Variants in SLC8A1 observed in about 807,000 individuals in gnomAD.
SLC8A1 encodes the protein solute carrier family 8 member A1.
SLC8A1 carries 18 observed loss-of-function variants against 68.3 expected under a neutral mutation model. The ratio of observed to expected loss-of-function variants is 0.26; its 90% confidence interval spans 0.18 to 0.39. SLC8A1 has a LOEUF of 0.39. SLC8A1 is among the 10% of genes least tolerant of loss of function. SLC8A1 has a pLI of 1.00. For synonymous variants in SLC8A1, 475 were observed against 415.5 expected (o/e 1.14, Z -1.74); for missense variants, 985 against 1,156.7 (o/e 0.85, Z 2.15).
intron 1 of SLC8A1, among the ~76,000 whole-genome samples, chr2:40,435,615 T>A (rs1050652181): frequency 6.6e-5 from 10 of 152,062 alleles, no homozygotes; most frequent in African/African-American, 2.4e-4. Flanking sequence ...AAATACCCGC[T>A]GAAATTGTCC....
chr2:40,139,519 G>C (rs771157907), exon 7 of SLC8A1: 1 of 1,614,190 alleles, frequency 6.2e-7, no homozygotes, highest in Non-Finnish European at 8.5e-7. Context: ...GGCCAATCAT[G>C]AGGATGGAGA....
At chr2:40,473,830 A>G (rs1427695135) in intron 1 of SLC8A1, among the ~76,000 whole-genome samples, 1 of 152,208 alleles carries the variant, frequency 6.6e-6, no homozygotes, top group African/African-American at 2.4e-5. Flanking sequence ...ACTTGGGTAG[A>G]TAACTCTATT....
At chr2:40,500,695 G>T (rs1706000716) in intron 1 of SLC8A1, among the ~76,000 whole-genome samples, 1 of 146,690 alleles carries the variant, frequency 6.8e-6, no homozygotes, top group South Asian at 2.2e-4. Context: ...TTGATCCAGT[G>T]TCATTATTAA....
At chr2:40,239,597 C>G (rs1344921286) in intron 2 of SLC8A1, among the ~76,000 whole-genome samples, 1 of 152,152 alleles carries the variant, frequency 6.6e-6, no homozygotes, top group Non-Finnish European at 1.5e-5. Context: ...ACTGTGCTGC[C>G]TCGTGAAATA....
chr2:40,415,332 C>T (rs111666922), intron 2 of SLC8A1, among the ~76,000 whole-genome samples: 2 of 151,542 alleles, frequency 1.3e-5, no homozygotes, highest in African/African-American at 4.8e-5. Context: ...GCTGCAGAGG[C>T]AACACTTTGC....
rs1257782021 is a variant in SLC8A1 at position 40,117,299 on chromosome 2, C to T, written c.2438-1670G>A. Among the ~76,000 whole-genome samples the T allele has an allele frequency of 2.0e-5, 3 of 146,430 alleles. No homozygotes were observed. In the East Asian group the frequency reaches 6.1e-4, roughly 30 times the overall value. On this transcript the variant is annotated intron_variant, in intron 7 of 7. Coordinates refer to ENST00000406785, the Ensembl canonical transcript of SLC8A1. ...GTAGCTCATGCCTATAATCCCAGTACTTTGGGAGGCCGAGATGGGCGGATC... is the reference window on the plus strand; with the variant it reads ...GTAGCTCATGCCTATAATCCCAGTATTTTGGGAGGCCGAGATGGGCGGATC...
intron 2 of SLC8A1, among the ~76,000 whole-genome samples, chr2:40,364,234 A>G (rs1383897102): frequency 2.0e-5 from 3 of 152,122 alleles, no homozygotes; most frequent in East Asian, 1.9e-4. Context: ...AATGCTCAGT[A>G]TATGAATTAA....
intron 2 of SLC8A1, among the ~76,000 whole-genome samples, chr2:40,241,581 C>T (rs6737759): frequency 0.58 from 88,491 of 152,092 alleles, 28,896 homozygotes; most frequent in Non-Finnish European, 0.75. Flanking sequence ...CCTTTGACCT[C>T]TTCTTTGCCC....
chr2:40,311,234 T>A (rs1284879020), intron 2 of SLC8A1, among the ~76,000 whole-genome samples: 1 of 152,080 alleles, frequency 6.6e-6, no homozygotes, highest in Non-Finnish European at 1.5e-5. Context: ...TAAAAAACAC[T>A]TGGTGTTCAA....
At chr2:40,277,941 G>A (rs184328496) in intron 2 of SLC8A1, among the ~76,000 whole-genome samples, 134 of 151,282 alleles carry the variant, frequency 8.9e-4, no homozygotes, top group African/African-American at 3.1e-3. Context: ...TAAATATGTT[G>A]TTATCCCCAT....
chr2:40,365,134 T>A (rs1248045214), intron 2 of SLC8A1, among the ~76,000 whole-genome samples: 1 of 151,994 alleles, frequency 6.6e-6, no homozygotes, highest in African/African-American at 2.4e-5. Flanking sequence ...AGAGTGTATA[T>A]AAATGCTTTA....
chr2:40,222,873 T>C (rs918926948), intron 2 of SLC8A1, among the ~76,000 whole-genome samples: 1 of 151,982 alleles, frequency 6.6e-6, no homozygotes, highest in African/African-American at 2.4e-5. Context: ...GAACAACAGA[T>C]GCTAGAGAGG....
intron 1 of SLC8A1, among the ~76,000 whole-genome samples, chr2:40,509,437 ATTTTTTTTTT>A (rs367549288): frequency 0.16 from 18,325 of 113,788 alleles, 1,541 homozygotes; most frequent in Middle Eastern, 0.26. Context: ...GGGATTTGGA[ATTTTTTTTTT>A]TTTTTTTTTT....
intron 6 of SLC8A1, among the ~76,000 whole-genome samples, chr2:40,140,900 A>G (rs909110510): frequency 3.3e-5 from 5 of 152,344 alleles, no homozygotes; most frequent in African/African-American, 9.6e-5. Flanking sequence ...TGCACAAAGC[A>G]TGCTATTTAA....
At chr2:40,450,700 A>G (rs1702279840) in intron 1 of SLC8A1, among the ~76,000 whole-genome samples, 1 of 152,170 alleles carries the variant, frequency 6.6e-6, no homozygotes, top group South Asian at 2.1e-4. Context: ...CAAAGTTTGT[A>G]TTGTTATATT....
intron 2 of SLC8A1, among the ~76,000 whole-genome samples, chr2:40,294,500 T>C (rs2069953080): frequency 6.6e-6 from 1 of 152,032 alleles, no homozygotes. Flanking sequence ...ATAAAACACC[T>C]AGGGCATATT....
chr2:40,415,161 C>A (rs998534602), intron 2 of SLC8A1, among the ~76,000 whole-genome samples: 6 of 152,130 alleles, frequency 3.9e-5, no homozygotes, highest in Non-Finnish European at 7.4e-5. Flanking sequence ...ACTTGAACAA[C>A]CAAGTCTAAG....
intron 7 of SLC8A1, among the ~76,000 whole-genome samples, chr2:40,122,032 A>G (rs1286299458): frequency 6.6e-6 from 1 of 151,950 alleles, no homozygotes; most frequent in African/African-American, 2.4e-5. Flanking sequence ...TTTGCCTTCT[A>G]TACCCTCATC....
intron 2 of SLC8A1, among the ~76,000 whole-genome samples, chr2:40,275,514 C>T (rs769717372): frequency 2.9e-4 from 44 of 152,158 alleles, no homozygotes; most frequent in Non-Finnish European, 4.1e-4. Context: ...GTAGAGCCTG[C>T]GCTCATCACA....
Sources: allele counts gnomAD v4.1 joint callset (sites outside exome capture counted in the v4.1 genomes callset), GRCh38; gene constraint gnomAD v4.1.1; transcripts MANE v1.5; gene names NCBI Gene and HGNC (gene_info 2026-07-23, HGNC 2026-07-21).